Variants in MDGA2 observed in about 807,000 individuals in gnomAD.
MDGA2 encodes the protein MAM domain containing glycosylphosphatidylinositol anchor 2, also known as MAM domain-containing glycosylphosphatidylinositol anchor protein 2.
MDGA2 carries 40 observed loss-of-function variants against 117.8 expected under a neutral mutation model. The ratio of observed to expected loss-of-function variants is 0.34; its 90% CI spans 0.26 to 0.44. The LOEUF (loss-of-function observed/expected upper bound fraction) is 0.44, where lower values mean the gene tolerates loss of function less well. Among genes scored for constraint, MDGA2 ranks in the 20% least tolerant of loss-of-function variants. The probability of loss-of-function intolerance (pLI) is 1.00; values close to 1 mark genes in which losing one functional copy is unlikely to be tolerated. For synonymous variants in MDGA2, 452 were observed against 439.0 expected (o/e 1.03, Z -0.37); for missense variants, 1,123 against 1,250.6 (o/e 0.90, Z 1.54).
At chr14:47,468,210 G>T (rs112326053) in intron 1 of MDGA2, among the ~76,000 whole-genome samples, 65 of 152,172 alleles carry the variant, frequency 4.3e-4, no homozygotes, top group African/African-American at 1.4e-3. Context: ...AACCAACTTC[G>T]TGAGCCCTTT....
intron 1 of MDGA2, among the ~76,000 whole-genome samples, chr14:47,543,726 A>G (rs1223741961): frequency 6.6e-6 from 1 of 152,250 alleles, no homozygotes; most frequent in African/African-American, 2.4e-5. Flanking sequence ...AGACTTCATA[A>G]AAATCTATAA....
chr14:47,625,304 C>CA (rs1209306226), intron 1 of MDGA2, among the ~76,000 whole-genome samples: 5 of 145,794 alleles, frequency 3.4e-5, no homozygotes, highest in African/African-American at 1.3e-4. Context: ...AATGTTTATG[C>CA]AAAAACAAAA....
chr14:47,336,988 T>C (rs1890479411), intron 1 of MDGA2, among the ~76,000 whole-genome samples: 1 of 151,962 alleles, frequency 6.6e-6, no homozygotes, highest in African/African-American at 2.4e-5. Flanking sequence ...TTCATGCCAA[T>C]GTGGAAAACA....
At chr14:47,629,053 C>T (rs891276202) in intron 1 of MDGA2, among the ~76,000 whole-genome samples, 1 of 152,174 alleles carries the variant, frequency 6.6e-6, no homozygotes, top group Non-Finnish European at 1.5e-5. Context: ...TCTCTTGATT[C>T]TAATAACCAC....
intron 1 of MDGA2, among the ~76,000 whole-genome samples, chr14:47,602,293 G>A (rs113348972): frequency 6.6e-6 from 1 of 152,104 alleles, no homozygotes; most frequent in African/African-American, 2.4e-5. Flanking sequence ...AAGACCTAGA[G>A]TCCCAGCATG....
chr14:47,289,818 AATAC>A (rs1014956334), intron 2 of MDGA2, among the ~76,000 whole-genome samples: 11 of 152,242 alleles, frequency 7.2e-5, no homozygotes, highest in African/African-American at 2.4e-4. Flanking sequence ...TTTTCATTAA[AATAC>A]ATAGATTTCA....
chr14:46,908,148 A>C (rs142360173), intron 10 of MDGA2, among the ~76,000 whole-genome samples: 1 of 152,346 alleles, frequency 6.6e-6, no homozygotes, highest in Admixed American at 6.5e-5. Flanking sequence ...ATGAACTAAC[A>C]ATTTGGAGTG....
intron 10 of MDGA2, among the ~76,000 whole-genome samples, chr14:46,897,304 C>G (rs900946392): frequency 6.6e-6 from 1 of 151,940 alleles, no homozygotes; most frequent in Non-Finnish European, 1.5e-5. Flanking sequence ...ATATTCCTGT[C>G]AGTTTCTAGA....
chr14:47,510,052 C>T (rs1028927891), intron 1 of MDGA2, among the ~76,000 whole-genome samples: 1 of 152,074 alleles, frequency 6.6e-6, no homozygotes, highest in Non-Finnish European at 1.5e-5. Flanking sequence ...CATGAAAATT[C>T]GTACGTCGAA....
intron 3 of MDGA2, among the ~76,000 whole-genome samples, chr14:47,176,176 C>T (rs1884435088): frequency 1.3e-5 from 2 of 152,136 alleles, no homozygotes; most frequent in Non-Finnish European, 2.9e-5. Context: ...GAAGAACATT[C>T]CATGCTCATG....
At chr14:47,550,080 A>C (rs756034862) in intron 1 of MDGA2, among the ~76,000 whole-genome samples, 1 of 152,180 alleles carries the variant, frequency 6.6e-6, no homozygotes, top group Non-Finnish European at 1.5e-5. Flanking sequence ...GTATTGCTTC[A>C]TTGATGTTCT....
At chr14:47,583,777 T>C (rs938222302) in intron 1 of MDGA2, among the ~76,000 whole-genome samples, 1 of 151,880 alleles carries the variant, frequency 6.6e-6, no homozygotes, top group Non-Finnish European at 1.5e-5. Flanking sequence ...CTTTATTAGC[T>C]GTCTTTAGAA....
chr14:46,882,922 G>A (rs1882521368), intron 10 of MDGA2, among the ~76,000 whole-genome samples: 1 of 151,652 alleles, frequency 6.6e-6, no homozygotes, highest in African/African-American at 2.4e-5. Context: ...TGAAATAAAT[G>A]GTGTCAGAGT....
At chr14:47,635,669 G>A (rs1490236983) in intron 1 of MDGA2, among the ~76,000 whole-genome samples, 1 of 152,084 alleles carries the variant, frequency 6.6e-6, no homozygotes, top group East Asian at 1.9e-4. Context: ...GCCATTATCT[G>A]ATTTAAATCT....
intron 1 of MDGA2, among the ~76,000 whole-genome samples, chr14:47,608,376 C>T (rs1896779632): frequency 6.6e-6 from 1 of 152,084 alleles, no homozygotes; most frequent in South Asian, 2.1e-4. Flanking sequence ...TTGTGTAGGT[C>T]CCACTAAATC....
At chr14:47,208,008 A>C (rs1016442472) in intron 3 of MDGA2, among the ~76,000 whole-genome samples, 1 of 152,176 alleles carries the variant, frequency 6.6e-6, no homozygotes, top group African/African-American at 2.4e-5. Context: ...GCAAGGTCAG[A>C]TGTACTCTCT....
chr14:47,662,411 G>A (rs549501710), intron 1 of MDGA2, among the ~76,000 whole-genome samples: 1 of 152,248 alleles, frequency 6.6e-6, no homozygotes, highest in East Asian at 1.9e-4. Context: ...GTGCATGTGT[G>A]TGTGTGTATC....
At chr14:47,608,660 C>T (rs1896784716) in intron 1 of MDGA2, among the ~76,000 whole-genome samples, 1 of 152,166 alleles carries the variant, frequency 6.6e-6, no homozygotes, top group African/African-American at 2.4e-5. Context: ...TTTGGCTTTT[C>T]TCTGAATAAG....
chr14:47,621,240 T>G (rs1897044408), intron 1 of MDGA2, among the ~76,000 whole-genome samples: 1 of 152,166 alleles, frequency 6.6e-6, no homozygotes, highest in Non-Finnish European at 1.5e-5. Context: ...ACAGTTAAGG[T>G]CTAGTCTTTA....
Sources: gnomAD v4.1 joint callset for allele counts (sites outside exome capture counted in the v4.1 genomes callset) on GRCh38, gnomAD v4.1.1 for gene constraint, MANE v1.5 for transcripts, NCBI Gene and HGNC (gene_info 2026-07-23, HGNC 2026-07-21) for gene names.